The following APBB1 variants were observed in gnomAD, a reference collection of about 807,000 sequenced individuals.
The protein encoded by APBB1 is adaptor protein FE65a2.
A neutral mutation model predicts 78.4 loss-of-function variants in APBB1; 22 were observed. The observed-to-expected ratio is 0.28, with a 90% CI of 0.20 to 0.40. APBB1 has a LOEUF of 0.40. APBB1 is among the 10% of genes least tolerant of loss of function. The pLI, the probability that APBB1 is intolerant of heterozygous loss-of-function variation, is 1.00. For missense variants in APBB1, 749 were observed against 932.4 expected (o/e 0.80, Z 2.56); for synonymous variants, 369 against 372.7 (o/e 0.99, Z 0.12).
intron 1 of APBB1, among the ~76,000 whole-genome samples, chr11:6,413,612 C>T (rs927771766): frequency 6.6e-6 from 1 of 152,088 alleles, no homozygotes; most frequent in South Asian, 2.1e-4. Context: ...ACCACCACGC[C>T]CAGCTAATTT....
At position 6,403,404 on chromosome 11, in the gene APBB1, C is replaced by T; in HGVS notation, c.955G>A (p.Asp319Asn). 2.5e-6 allele frequency: 4 copies of T among 1,614,198 alleles called. No individual in the cohort carries two copies. Among genetic ancestry groups the T allele is most frequent in the Non-Finnish European group, 3.4e-6 (4 of 1,180,024 alleles). The change falls in exon 5 of 15, where the codon GAT becomes AAT. Residue 319 changes from aspartate to asparagine, a missense_variant and splice_region_variant. By Grantham distance (23) the Asp-to-Asn change is conservative. Around this residue, in one of 3 missense-constraint regions of APBB1, gnomAD observed 635 missense variants for 765.0 expected, o/e 0.83. Transcript: ENST00000609360. This position sits in a 1 kb window ranked among gnomAD's most constrained non-coding sequence, Gnocchi z 5.3. Reference sequence around the variant, plus strand: ...ATTGGGGCCTCATCACTGGGTTCATCCTTGGGAAGGGGATTGAGGAATCAG... The same window carrying T: ...ATTGGGGCCTCATCACTGGGTTCATTCTTGGGAAGGGGATTGAGGAATCAG... ...EGFEDGEFWKDEPSDEAPMEL... is the reference protein window; with the variant it reads ...EGFEDGEFWKNEPSDEAPMEL...
chr11:6,397,910 T>C (rs1333877790), intron 12 of APBB1, among the ~76,000 whole-genome samples: 1 of 152,182 alleles, frequency 6.6e-6, no homozygotes, highest in East Asian at 1.9e-4. Flanking sequence ...ATGGGCCAGG[T>C]CAGATTGCAG....
At position 6,395,480 on chromosome 11, in the gene APBB1, C is replaced by T; in HGVS notation, c.*54G>A. On this transcript the variant is annotated 3_prime_UTR_variant, in exon 15 of 15. Coordinates refer to ENST00000609360, the MANE Select transcript of APBB1 (RefSeq NM_001164.5). The surrounding 1 kb of genome is among the most constrained non-coding windows in gnomAD (Gnocchi z 5.2). ...CTCTAGACCCCTCCCTGACCCACAC[C>T]CTTTAGTTCCCTGGGGCCCAACACA... is the stretch of plus-strand genomic sequence containing the variant. 1 of 1,483,022 alleles carries T rather than the reference C, an allele frequency of 6.7e-7. No individual in the cohort carries two copies. Among genetic ancestry groups the T allele is most frequent in the Admixed American group, 2.6e-5 (1 of 38,074 alleles). The allele number at this position is 1,483,022 out of a possible 1,614,324, so 91.9% of individuals were successfully genotyped here. A position where few individuals can be genotyped will look rare whatever the true frequency, so the allele number is the denominator to read the frequency against.
chr11:6,401,448 C>T lies in APBB1; in HGVS notation c.1504-19G>A, dbSNP rs371870069. ...CCATGATCTGAGGAAGGAAGGGAGG[C>T]GAGGAGCCAGGGAGAATCTATTAGA... On this transcript the variant is annotated intron_variant, in intron 10 of 14. Transcript: ENST00000609360. The surrounding 1 kb of genome is among the most constrained non-coding windows in gnomAD (Gnocchi z 4.5). The T allele has an allele frequency of 3.2e-5, 51 of 1,612,824 alleles. No homozygotes were observed. The highest frequency in any genetic ancestry group is 1.2e-4 in the Admixed American group (7 of 59,972).
intron 1 of APBB1, among the ~76,000 whole-genome samples, chr11:6,415,529 T>C (rs1032496657): frequency 2.6e-5 from 4 of 152,154 alleles, no homozygotes; most frequent in African/African-American, 7.2e-5. Context: ...GTTGACTGAA[T>C]ATCATGAAGG....
At position 6,401,531 on chromosome 11, in the gene APBB1, G is replaced by A. The variant is rs749233273; in HGVS notation, c.1503+43C>T. The A allele has an allele frequency of 1.2e-6, 2 of 1,614,028 alleles. No individual in the cohort carries two copies. The highest frequency in any genetic ancestry group is 2.7e-5 in the African/African-American group (2 of 75,052). ...CAGTGACCCCACCCACACCCTTGTA[G>A]AGCAAAGGTGGCAACTAGTCCAGGG... On this transcript the variant is annotated intron_variant, in intron 10 of 14. Transcript: ENST00000609360. This position sits in a 1 kb window ranked among gnomAD's most constrained non-coding sequence, Gnocchi z 4.5.
intron 6 of APBB1, 169 bp from the exon 7 acceptor site, chr11:6,402,894 A>C: frequency 1.2e-6 from 1 of 867,858 alleles, no homozygotes; most frequent in Non-Finnish European, 1.7e-6. Flanking sequence ...GGGAGATGTC[A>C]GATGAGACCC....
intron 7 of APBB1, 104 bp from the exon 8 acceptor site, chr11:6,402,313 G>T: frequency 1.3e-6 from 2 of 1,523,240 alleles, no homozygotes; most frequent in Non-Finnish European, 1.8e-6. Flanking sequence ...TGGGGCCCCT[G>T]CTTTGGTGTC....
rs1286552068 is a variant in APBB1, at chr11:6,403,746, T to G, written c.798A>C (p.Ser266=). 1.9e-6 allele frequency: 3 copies of G among 1,608,006 alleles called. No homozygotes were observed. The highest frequency in any genetic ancestry group is 2.6e-6 in the Non-Finnish European group (3 of 1,176,066). Reference sequence around the variant, plus strand: ...TTGGGATGTGCCAGTAATAGGTCCCTGAGGTGTCCTGGACCCTCATCCATC... The same window carrying G: ...TTGGGATGTGCCAGTAATAGGTCCCGGAGGTGTCCTGGACCCTCATCCATC... ...PAGWMRVQDT[S]GTYYWHIPTG... The change falls in exon 3 of 15, where the codon TCA becomes TCC. Residue 266 remains serine (S), a synonymous_variant. Coordinates refer to ENST00000609360, the MANE Select transcript of APBB1 (RefSeq NM_001164.5). The surrounding 1 kb of genome is among the most constrained non-coding windows in gnomAD (Gnocchi z 5.3).
intron 1 of APBB1, among the ~76,000 whole-genome samples, chr11:6,417,942 G>A (rs1263314848): frequency 6.6e-6 from 1 of 152,256 alleles, no homozygotes; most frequent in Non-Finnish European, 1.5e-5. Flanking sequence ...GAGATGTCAA[G>A]AGAGCAGCTG....
intron 2 of APBB1, chr11:6,405,173 G>C: frequency 6.0e-6 from 7 of 1,159,312 alleles, no homozygotes; most frequent in Non-Finnish European, 7.5e-6. Context: ...GATACCAGGA[G>C]ACTCAGCCCC....
chr11:6,412,840 A>G (rs2134105592), intron 1 of APBB1, among the ~76,000 whole-genome samples: 1 of 152,164 alleles, frequency 6.6e-6, no homozygotes, highest in African/African-American at 2.4e-5. Flanking sequence ...ACTATGCCTT[A>G]TGGTGCCCCA....
At chr11:6,402,247 C>A (rs1182358169) in intron 7 of APBB1, 38 bp from the exon 8 acceptor site, 1 of 1,608,160 alleles carries the variant, frequency 6.2e-7, no homozygotes, top group Non-Finnish European at 8.5e-7. Flanking sequence ...GGGACTCCAG[C>A]CAGGATGGTG....
rs752575406 is a variant in APBB1, at chr11:6,400,974, G to A, written c.1672+15C>T. The stretch of plus-strand genomic sequence containing the variant: ...ATCAAGGTAGCAGCCCCTGGGTATA[G>A]AAGGACACACATACCAACAGGTTTA... On this transcript the variant is annotated intron_variant, in intron 12 of 14. Transcript: ENST00000609360. 4 of 1,611,388 alleles carry A rather than the reference G, an allele frequency of 2.5e-6. No homozygotes were observed. The highest frequency in any genetic ancestry group is 4.5e-5 in the East Asian group (2 of 44,862).
At chr11:6,418,263 C>A in intron 1 of APBB1, among the ~76,000 whole-genome samples, 1 of 152,288 alleles carries the variant, frequency 6.6e-6, no homozygotes, top group South Asian at 2.1e-4. Context: ...ATAACAGTGT[C>A]CACTGGAGTT....
chr11:6,409,999 C>T (rs894725832), intron 2 of APBB1, among the ~76,000 whole-genome samples: 2 of 151,942 alleles, frequency 1.3e-5, no homozygotes, highest in African/African-American at 2.4e-5. Context: ...CCAAACAGAC[C>T]TCTGTGGGGA....
intron 2 of APBB1, among the ~76,000 whole-genome samples, chr11:6,408,769 G>A (rs1848886995): frequency 6.6e-6 from 1 of 152,286 alleles, no homozygotes; most frequent in South Asian, 2.1e-4. Flanking sequence ...CTCCCAAAGT[G>A]CTGGGATTAC....
rs1349314296 is a variant in APBB1, at chr11:6,396,232, C to A, written c.1673-17G>T. The A allele has an allele frequency of 1.5e-5, 23 of 1,544,594 alleles. No individual in the cohort carries two copies. Among genetic ancestry groups the A allele is most frequent in the Non-Finnish European group, 2.0e-5 (23 of 1,141,426 alleles). ...CATCTACCCCTAGAACATATGGACA[C>A]AAGATACCACTGAGGGTAGACAGAG... is the stretch of plus-strand genomic sequence containing the variant. On this transcript the variant is annotated splice_polypyrimidine_tract_variant and intron_variant, in intron 12 of 14. Transcript: ENST00000609360.
rs774054221 is a variant in APBB1, at chr11:6,410,947, C to T, written c.401G>A (p.Gly134Glu). ...TTGAGTGCTGATGATCAGGCCAGGT[C>T]CTCGTAGGCCTCGGTTGGCTGCGTT... ...AHNAANRGLR[G>E]PGLIISTQEQ... The change falls in exon 2 of 15, where the codon GGA becomes GAA. Residue 134 changes from glycine (G) to glutamate (E), a missense_variant. Physicochemically the swap from Gly to Glu is moderately conservative, Grantham distance 98 (BLOSUM62 -2). Transcript: ENST00000609360. 7 of 1,614,096 alleles carry T rather than the reference C, an allele frequency of 4.3e-6. No individual in the cohort carries two copies. In the African/African-American group the frequency reaches 6.7e-5, roughly 15 times the overall value.
Sources: gnomAD v4.1 joint callset for allele counts (sites outside exome capture counted in the v4.1 genomes callset) on GRCh38, gnomAD v4.1.1 for gene constraint, gnomAD v4.1.1 regional missense constraint, Gnocchi (gnomAD v3.1) non-coding constraint, MANE v1.5 for transcripts, NCBI Gene and HGNC (gene_info 2026-07-23, HGNC 2026-07-21) for gene names.